Variants in ULK4 observed in about 807,000 individuals in gnomAD.
The protein encoded by ULK4 is inactive serine/threonine-protein kinase ULK4.
Under a neutral mutation model 160.6 loss-of-function variants are expected in ULK4, and 133 were observed. The ratio of observed to expected loss-of-function variants is 0.83; its 90% CI spans 0.72 to 0.96. The LOEUF is 0.96. Among genes scored for constraint, ULK4 ranks in the 40% least tolerant of loss-of-function variants. ULK4 has a pLI of 0.00. For synonymous variants in ULK4, 534 were observed against 539.8 expected, an observed-to-expected ratio of 0.99 and a Z score of 0.15; for missense variants, 1,580 against 1,499.5, an observed-to-expected ratio of 1.05 and a Z score of -0.89.
intron 35 of ULK4, among the ~76,000 whole-genome samples, chr3:41,375,342 A>G (rs1437350494): frequency 6.6e-6 from 1 of 151,624 alleles, no homozygotes; most frequent in African/African-American, 2.4e-5. Context: ...CTAAGCAAAA[A>G]GAACAAAGCT....
chr3:41,340,591 G>T lies in ULK4; in HGVS notation c.3678+57488C>A, dbSNP rs147103278. Among the ~76,000 whole-genome samples, 353 of 152,284 alleles carry T rather than the reference G, an allele frequency of 2.3e-3. 3 individuals are homozygous for T. Among genetic ancestry groups the T allele is most frequent in the African/African-American group, 8.0e-3 (331 of 41,562 alleles). On this transcript the variant is annotated intron_variant, in intron 35 of 36. Transcript: ENST00000301831. ...AGCTATTTAAATTTAAGTAAAAATT[G>T]ATAAAAATTAAAATCCAGTTCCTCA...
chr3:41,676,063 T>C (rs1432680605), intron 29 of ULK4, among the ~76,000 whole-genome samples: 1 of 152,184 alleles, frequency 6.6e-6, no homozygotes, highest in African/African-American at 2.4e-5. Flanking sequence ...ATTTCAGCTA[T>C]GTGAGAACCT....
chr3:41,554,355 T>C (rs9853462), intron 32 of ULK4, among the ~76,000 whole-genome samples: 1 of 152,186 alleles, frequency 6.6e-6, no homozygotes, highest in African/African-American at 2.4e-5. Flanking sequence ...CTATACATGA[T>C]GGAATACTAT....
chr3:41,695,688 C>A (rs984212420), intron 27 of ULK4, among the ~76,000 whole-genome samples: 1 of 152,058 alleles, frequency 6.6e-6, no homozygotes, highest in Non-Finnish European at 1.5e-5. Context: ...GGGCGGCAAG[C>A]CATCCAGGTG....
intron 11 of ULK4, among the ~76,000 whole-genome samples, chr3:41,909,067 T>C (rs1414137480): frequency 8.2e-6 from 1 of 121,242 alleles, no homozygotes; most frequent in Non-Finnish European, 1.6e-5. Flanking sequence ...CACTCCAGCC[T>C]GGGTGACAAA....
intron 35 of ULK4, among the ~76,000 whole-genome samples, chr3:41,343,057 A>G (rs1431351479): frequency 6.6e-6 from 1 of 152,152 alleles, no homozygotes; most frequent in Non-Finnish European, 1.5e-5. Context: ...ACAAACCCAC[A>G]GACAATATCA....
At position 41,900,592 on chromosome 3, in the gene ULK4, G is replaced by A. The variant is rs1698315863; in HGVS notation, c.1287+133C>T. On this transcript the variant is annotated intron_variant, in intron 13 of 36. Coordinates refer to ENST00000301831, the MANE Select transcript of ULK4 (RefSeq NM_017886.4). The stretch of plus-strand genomic sequence containing the variant: ...GGGGAGCTGCAAATGCAGACATGCA[G>A]CACAAATGACACAGAAGCAGACAAG... 5.5e-6 allele frequency: 4 copies of A among 733,230 alleles called. No individual in the cohort carries two copies. The African/African-American group carries it at 7.1e-5, about 13-fold the overall frequency. 45.4% of individuals were successfully genotyped at this position (733,230 alleles called of 1,614,324 possible).
rs141914789 is a variant in ULK4, at chr3:41,311,960, A to ATTTATTTTATTTTAT, written c.3679-62401_3679-62387dup. Among the ~76,000 whole-genome samples, 588 of 147,296 alleles carry ATTTATTTTATTTTAT rather than the reference A, an allele frequency of 4.0e-3. 4 individuals are homozygous for ATTTATTTTATTTTAT. Among genetic ancestry groups the ATTTATTTTATTTTAT allele is most frequent in the African/African-American group, 9.4e-3 (359 of 38,190 alleles). On this transcript the variant is annotated intron_variant, in intron 35 of 36. Coordinates refer to ENST00000301831, the MANE Select transcript of ULK4 (RefSeq NM_017886.4). Reference sequence around the variant, plus strand: ...AGAGGACATATTTCTTCTAACACACATTTATTTTATTTTATTTTATTTTAT... The same window carrying ATTTATTTTATTTTAT: ...AGAGGACATATTTCTTCTAACACACATTTATTTTATTTTATTTTATTTTATTTTATTTTATTTTAT...
intron 34 of ULK4, among the ~76,000 whole-genome samples, chr3:41,401,272 T>TGGG (rs2082173195): frequency 6.6e-6 from 1 of 152,200 alleles, no homozygotes. Flanking sequence ...TTTTATATTT[T>TGGG]ACATCTTTAA....
intron 7 of ULK4, 65 bp from the exon 8 acceptor site, chr3:41,916,117 T>A (rs547705245): frequency 1.6e-5 from 16 of 1,007,278 alleles, no homozygotes; most frequent in Admixed American, 1.3e-4. Flanking sequence ...TTTATTTTTA[T>A]CTCTTACATC....
intron 18 of ULK4, among the ~76,000 whole-genome samples, chr3:41,825,315 T>C (rs958128467): frequency 6.6e-6 from 1 of 152,218 alleles, no homozygotes; most frequent in Non-Finnish European, 1.5e-5. Flanking sequence ...GGATGGAGAA[T>C]GCCTTTGACG....
chr3:41,261,832 C>G (rs777143373), intron 35 of ULK4, among the ~76,000 whole-genome samples: 2 of 152,202 alleles, frequency 1.3e-5, no homozygotes, highest in Non-Finnish European at 2.9e-5. Context: ...TTCTTTCAGG[C>G]TTGGCTACCA....
chr3:41,381,891 C>A (rs1048985098), intron 35 of ULK4, among the ~76,000 whole-genome samples: 3 of 152,076 alleles, frequency 2.0e-5, no homozygotes, highest in Non-Finnish European at 4.4e-5. Context: ...TCCCTCACAT[C>A]CTATTTGTCT....
intron 31 of ULK4, among the ~76,000 whole-genome samples, chr3:41,571,628 G>A (rs932373771): frequency 2.0e-5 from 3 of 152,152 alleles, no homozygotes; most frequent in South Asian, 2.1e-4. Flanking sequence ...ACAAGGGCAC[G>A]CATGTTTCGT....
At chr3:41,376,412 G>C (rs2081496025) in intron 35 of ULK4, among the ~76,000 whole-genome samples, 1 of 149,916 alleles carries the variant, frequency 6.7e-6, no homozygotes, top group South Asian at 2.2e-4. Flanking sequence ...AGAAAATGTG[G>C]CGGAAAAGAG....
intron 31 of ULK4, among the ~76,000 whole-genome samples, chr3:41,604,800 T>G (rs1166158785): frequency 6.6e-6 from 1 of 152,112 alleles, no homozygotes; most frequent in Admixed American, 6.6e-5. Context: ...CCAGGATACC[T>G]TCTACCCGTG....
chr3:41,612,522 C>G (rs541644356), intron 31 of ULK4, among the ~76,000 whole-genome samples: 19 of 152,214 alleles, frequency 1.2e-4, no homozygotes, highest in Admixed American at 2.0e-4. Flanking sequence ...CAGGAAGTAG[C>G]ACTGTGCCTC....
At chr3:41,798,466 T>C (rs1473703292) in intron 20 of ULK4, among the ~76,000 whole-genome samples, 2 of 152,228 alleles carry the variant, frequency 1.3e-5, no homozygotes, top group African/African-American at 4.8e-5. Flanking sequence ...CAATGTTATA[T>C]ATCCTTTCTT....
chr3:41,711,879 G>A (rs1376137661), intron 25 of ULK4, among the ~76,000 whole-genome samples: 4 of 152,180 alleles, frequency 2.6e-5, no homozygotes, highest in Non-Finnish European at 2.9e-5. Context: ...AAAGAAGCAT[G>A]GTATTCACCA....
Sources: gnomAD v4.1 joint callset for allele counts (sites outside exome capture counted in the v4.1 genomes callset) on GRCh38, gnomAD v4.1.1 for gene constraint, MANE v1.5 for transcripts, NCBI Gene and HGNC (gene_info 2026-07-23, HGNC 2026-07-21) for gene names.